The following CDC5L variants were observed in gnomAD, a reference collection of about 807,000 sequenced individuals.
CDC5L encodes the protein cell division cycle 5-like protein.
A neutral mutation model predicts 104.1 loss-of-function variants in CDC5L; 18 were observed. The ratio of observed to expected loss-of-function variants is 0.17; its 90% CI spans 0.12 to 0.26. The LOEUF (loss-of-function observed/expected upper bound fraction) is 0.26. CDC5L is among the 10% of genes least tolerant of loss of function. The probability of loss-of-function intolerance (pLI) is 1.00; values close to 1 mark genes in which losing one functional copy is unlikely to be tolerated. For synonymous variants in CDC5L, 331 were observed against 322.7 expected, an observed-to-expected ratio of 1.03 and a Z score of -0.28; for missense variants, 673 against 956.9, an observed-to-expected ratio of 0.70 and a Z score of 3.91.
chr6:44,407,527 A>G (rs1274758961), intron 7 of CDC5L, among the ~76,000 whole-genome samples: 1 of 152,188 alleles, frequency 6.6e-6, no homozygotes, highest in Non-Finnish European at 1.5e-5. Flanking sequence ...GGGTTTCACC[A>G]TGTTGGCCAG....
chr6:44,444,253 T>C (rs1046388286), intron 14 of CDC5L, among the ~76,000 whole-genome samples: 2 of 152,234 alleles, frequency 1.3e-5, no homozygotes, highest in African/African-American at 4.8e-5. Context: ...GGCTGCACTC[T>C]ACGATCCTGG....
chr6:44,422,466 T>A (rs1369160403), intron 9 of CDC5L, among the ~76,000 whole-genome samples, 181 bp from the exon 10 acceptor site: 32 of 152,212 alleles, frequency 2.1e-4, no homozygotes. Context: ...AATACCATGC[T>A]AGCTAGACCA....
At chr6:44,424,354 A>C in intron 10 of CDC5L, 65 bp from the exon 11 acceptor site, 1 of 1,394,778 alleles carries the variant, frequency 7.2e-7, no homozygotes. Flanking sequence ...TTTTTAAGAG[A>C]CTCATAAAAT....
intron 7 of CDC5L, 146 bp downstream of exon 7, chr6:44,406,613 C>G: frequency 1.3e-6 from 1 of 758,552 alleles, no homozygotes; most frequent in Non-Finnish European, 2.2e-6. Context: ...CACATAAAAA[C>G]AAGTAATTGT....
Position 44,447,110 on chromosome 6 carries a change from CT to C in CDC5L, c.*400del, listed in dbSNP as rs1053130061. The C allele has an allele frequency of 2.6e-5, 4 of 153,948 alleles. No homozygotes were observed. The highest frequency in any genetic ancestry group is 9.6e-5 in the African/African-American group (4 of 41,472). 9.5% of individuals were successfully genotyped at this position (153,948 alleles called of 1,614,324 possible). Reference sequence around the variant, plus strand: ...GCCTGCAAACCAGCAGCTATGTACTCTGTGTCATATTTAATGAGTAACTCTT... The same window carrying C: ...GCCTGCAAACCAGCAGCTATGTACTCGTGTCATATTTAATGAGTAACTCTT... On this transcript the variant is annotated 3_prime_UTR_variant, in exon 16 of 16. Coordinates refer to ENST00000371477, the MANE Select transcript of CDC5L (RefSeq NM_001253.4).
chr6:44,395,744 A>T (rs1266205805), intron 4 of CDC5L, among the ~76,000 whole-genome samples: 1 of 152,160 alleles, frequency 6.6e-6, no homozygotes, highest in East Asian at 1.9e-4. Flanking sequence ...TTGGAATCTG[A>T]GTATTTTACA....
chr6:44,400,901 G>T (rs1720083131), intron 5 of CDC5L, among the ~76,000 whole-genome samples: 1 of 152,202 alleles, frequency 6.6e-6, no homozygotes, highest in South Asian at 2.1e-4. Context: ...AAGTGATCCA[G>T]TCAAATTTGG....
chr6:44,410,887 T>C (rs1269447039), intron 8 of CDC5L, among the ~76,000 whole-genome samples: 3 of 152,052 alleles, frequency 2.0e-5, no homozygotes, highest in African/African-American at 4.8e-5. Context: ...CCTCTGCAGT[T>C]TTCTATCTTA....
chr6:44,396,278 C>T, intron 4 of CDC5L, 63 bp from the exon 5 acceptor site: 2 of 1,011,608 alleles, frequency 2.0e-6, no homozygotes, highest in Non-Finnish European at 1.5e-6. Context: ...TCTTACATAC[C>T]TTGCTTCTAG....
At chr6:44,420,663 C>A (rs1285572351) in intron 9 of CDC5L, among the ~76,000 whole-genome samples, 1 of 152,082 alleles carries the variant, frequency 6.6e-6, no homozygotes, top group Non-Finnish European at 1.5e-5. Flanking sequence ...TGGCCAAAAT[C>A]CAAACTTTTT....
At chr6:44,399,393 T>A (rs1791015734) in intron 5 of CDC5L, among the ~76,000 whole-genome samples, 1 of 152,120 alleles carries the variant, frequency 6.6e-6, no homozygotes, top group African/African-American at 2.4e-5. Flanking sequence ...AATAAATTTT[T>A]CAAAATTTCA....
intron 14 of CDC5L, among the ~76,000 whole-genome samples, chr6:44,431,904 G>A (rs913218562): frequency 6.6e-5 from 10 of 152,110 alleles, no homozygotes; most frequent in Admixed American, 2.6e-4. Context: ...TTGAAGGATT[G>A]GTGATTTTGG....
In CDC5L at chr6:44,403,987, A is replaced by T; in HGVS notation, c.718A>T (p.Arg240Trp). 1 of 1,612,416 alleles carries T rather than the reference A, an allele frequency of 6.2e-7. No homozygotes were observed. Among genetic ancestry groups the T allele is most frequent in the Non-Finnish European group, 8.5e-7 (1 of 1,179,684 alleles). The change falls in exon 6 of 16, where the codon AGG (arginine) becomes TGG (tryptophan). Residue 240 changes from arginine (R) to tryptophan (W), a missense_variant. This residue lies in a region of CDC5L where 578 missense variants were observed against 737.0 expected (regional missense o/e 0.78). Transcript: ENST00000371477. ...CTACCAAGCTCTTGACGCAGATTTC[A>T]GGAAATTAAGACAACAGGATCTTGA... ...ENYQALDADF[R>W]KLRQQDLDGE...
At chr6:44,416,294 T>C (rs1398040863) in intron 8 of CDC5L, among the ~76,000 whole-genome samples, 1 of 152,162 alleles carries the variant, frequency 6.6e-6, no homozygotes, top group East Asian at 1.9e-4. Flanking sequence ...GAGTGAGTCA[T>C]AGCTTACAGG....
At chr6:44,436,696 A>G (rs534617380) in intron 14 of CDC5L, among the ~76,000 whole-genome samples, 7 of 152,120 alleles carry the variant, frequency 4.6e-5, no homozygotes, top group African/African-American at 1.7e-4. Context: ...AATCATAGCC[A>G]CTCTTGTTTC....
intron 4 of CDC5L, 142 bp downstream of exon 4, chr6:44,393,715 A>G (rs1014731110): frequency 2.5e-6 from 2 of 797,808 alleles, no homozygotes; most frequent in African/African-American, 3.6e-5. Flanking sequence ...CCCAGGCTGG[A>G]ATGAAGTGGC....
rs774384732 is a variant in CDC5L, at chr6:44,393,470, T to C, written c.336T>C (p.Asn112=). The C allele has an allele frequency of 1.9e-6, 3 of 1,613,668 alleles. No homozygotes were observed. In the East Asian group the frequency reaches 6.7e-5, roughly 36 times the overall value. The change falls in exon 4 of 16, where the codon AAT becomes AAC. Residue 112 remains asparagine, a synonymous_variant. Transcript: ENST00000371477. ...GGGATAAAGCTGCCCAAAGAGACAA[T>C]GAAGAGGAAACAACAGATGATCCAC... ...FLLDKAAQRD[N]EEETTDDPRK... is the part of the protein sequence containing the mutation.
At chr6:44,397,457 A>ATT (rs1331512494) in intron 5 of CDC5L, among the ~76,000 whole-genome samples, 1 of 151,982 alleles carries the variant, frequency 6.6e-6, no homozygotes, top group African/African-American at 2.4e-5. Flanking sequence ...ACTATCTTGT[A>ATT]TTTTTTTCCC....
intron 8 of CDC5L, among the ~76,000 whole-genome samples, chr6:44,417,000 G>A (rs892293289): frequency 1.9e-4 from 29 of 152,142 alleles, no homozygotes; most frequent in Admixed American, 8.5e-4. Flanking sequence ...CAGAATAATG[G>A]AATAAGTCTT....
Sources: allele counts gnomAD v4.1 joint callset (sites outside exome capture counted in the v4.1 genomes callset), GRCh38; gene constraint gnomAD v4.1.1; regional missense constraint gnomAD v4.1.1; transcripts MANE v1.5; gene names NCBI Gene and HGNC (gene_info 2026-07-23, HGNC 2026-07-21).